KIF14: variants seen among roughly 807,000 people sequenced by gnomAD.
KIF14 encodes kinesin-like protein KIF14.
KIF14 carries 98 observed loss-of-function variants against 176.2 expected under a neutral mutation model. The ratio of observed to expected loss-of-function variants is 0.56; its 90% confidence interval spans 0.47 to 0.66. KIF14 has a LOEUF of 0.66. KIF14 is among the 30% of genes least tolerant of loss of function. KIF14 has a pLI of 0.00. For missense variants in KIF14, 1,751 were observed against 1,920.4 expected (o/e 0.91, Z 1.65); for synonymous variants, 566 against 632.2 (o/e 0.90, Z 1.57).
At position 200,573,427 on chromosome 1, in the gene KIF14, C is replaced by CTTTTTTTTTTTTTTTTTTTTTTT. The variant is rs869174532; in HGVS notation, c.3566+2141_3566+2163dup. The stretch of plus-strand genomic sequence containing the variant: ...TTCCCTACACTCAAGGAGCTCATTT[C>CTTTTTTTTTTTTTTTTTTTTTTT]TTTTTTTTTTTTTTTTTTTTTTTTG... On this transcript the variant is annotated intron_variant, in intron 22 of 29. Transcript: ENST00000367350. Among the ~76,000 whole-genome samples, 50 of 77,740 alleles carry CTTTTTTTTTTTTTTTTTTTTTTT rather than the reference C, an allele frequency of 6.4e-4. 5 individuals are homozygous for CTTTTTTTTTTTTTTTTTTTTTTT. The highest frequency in any genetic ancestry group is 1.7e-3 in the African/African-American group (29 of 17,556). The allele number at this position is 77,740 out of a possible 152,430, so 51.0% of individuals were successfully genotyped here. A position where few individuals can be genotyped will look rare whatever the true frequency, so the allele number is the denominator to read the frequency against.
At chr1:200,574,965 C>T (rs1228403246) in intron 22 of KIF14, among the ~76,000 whole-genome samples, 13 of 92,484 alleles carry the variant, frequency 1.4e-4, no homozygotes, top group Admixed American at 3.2e-4. Context: ...TTTTTTGAGA[C>T]GGAATCTCGC....
At chr1:200,609,604 G>C (rs961254470) in intron 4 of KIF14, among the ~76,000 whole-genome samples, 2 of 152,194 alleles carry the variant, frequency 1.3e-5, no homozygotes, top group Admixed American at 1.3e-4. Flanking sequence ...AGCTGAGATT[G>C]TGCTACTGCA....
Position 200,553,465 on chromosome 1 carries a change from G to A in KIF14, c.4870C>T (p.Arg1624Cys), listed in dbSNP as rs142097225. 28 of 1,613,886 alleles carry A rather than the reference G, an allele frequency of 1.7e-5. No homozygotes were observed. The highest frequency in any genetic ancestry group is 2.7e-5 in the African/African-American group (2 of 74,878). Reference sequence around the variant, plus strand: ...GATGAGCCATGGAGCTCATAGACACGCTTTGGTACACCTTTATTCTTACTG... The same window carrying A: ...GATGAGCCATGGAGCTCATAGACACACTTTGGTACACCTTTATTCTTACTG... ...DGSKNKGVPKRVYELHGSSPA... is the reference protein window; with the variant it reads ...DGSKNKGVPKCVYELHGSSPA... Residue 1624 changes from arginine (R) to cysteine (C), a missense_variant, in exon 30 of 30, where the codon CGT (arginine) becomes TGT (cysteine). Arg to Cys is a radical substitution (Grantham distance 180, BLOSUM62 -3). Coordinates refer to ENST00000367350, the MANE Select transcript of KIF14 (RefSeq NM_014875.3).
intron 1 of KIF14, among the ~76,000 whole-genome samples, chr1:200,619,487 G>A (rs908591075): frequency 2.0e-5 from 3 of 152,148 alleles, no homozygotes; most frequent in African/African-American, 7.2e-5. Flanking sequence ...CAAGTAGCTG[G>A]GACTACAGGC....
At position 200,564,802 on chromosome 1, in the gene KIF14, G is replaced by A. The variant is rs1417057483; in HGVS notation, c.4071+267C>T. On this transcript the variant is annotated intron_variant, in intron 25 of 29. Transcript: ENST00000367350. ...CCTCCATTTCCTCATCTACAAGATGGTGATAACAACAGTGCCCACTGCTGG... is the reference window on the plus strand; with the variant it reads ...CCTCCATTTCCTCATCTACAAGATGATGATAACAACAGTGCCCACTGCTGG... Among the ~76,000 whole-genome samples the A allele has an allele frequency of 5.3e-5, 8 of 152,196 alleles. No homozygotes were observed. In the East Asian group the frequency reaches 1.3e-3, roughly 26 times the overall value.
Position 200,553,306 on chromosome 1 carries a change from A to T in KIF14, c.*82T>A. 1 of 1,390,330 alleles carries T rather than the reference A, an allele frequency of 7.2e-7. No individual in the cohort carries two copies. Among genetic ancestry groups the T allele is most frequent in the East Asian group, 2.3e-5 (1 of 42,910 alleles). The allele number at this position is 1,390,330 out of a possible 1,614,324, so 86.1% of individuals were successfully genotyped here. A position where few individuals can be genotyped will look rare whatever the true frequency, so the allele number is the denominator to read the frequency against. Reference sequence around the variant, plus strand: ...GAAATATCTGTGCTGATTTCTCTTAAACTCTCCTGCATAAAGAAAATTACC... The same window carrying T: ...GAAATATCTGTGCTGATTTCTCTTATACTCTCCTGCATAAAGAAAATTACC... On this transcript the variant is annotated 3_prime_UTR_variant, in exon 30 of 30. Coordinates refer to ENST00000367350, the MANE Select transcript of KIF14 (RefSeq NM_014875.3).
chr1:200,560,638 C>T, intron 26 of KIF14, 84 bp downstream of exon 26: 3 of 1,366,194 alleles, frequency 2.2e-6, no homozygotes, highest in South Asian at 2.6e-5. Context: ...TTAAAAAGAA[C>T]TTGCCATGTT....
rs755177837 is a variant in KIF14 at position 200,617,957 on chromosome 1, T to A, written c.767A>T (p.His256Leu). Residue 256 changes from histidine (H) to leucine (L), a missense_variant, in exon 2 of 30, where the codon CAT (histidine) becomes CTT (leucine). His to Leu is a moderately conservative substitution (Grantham distance 99). Coordinates refer to ENST00000367350, the MANE Select transcript of KIF14 (RefSeq NM_014875.3). ...IKVLGTGNLY[H>L]RSIGKEIAKT... ...TGCAATTTCCTTCCCAATACTTCTATGATACAAGTTTCCTGTTCCCAACAC... is the reference window on the plus strand; with the variant it reads ...TGCAATTTCCTTCCCAATACTTCTAAGATACAAGTTTCCTGTTCCCAACAC... 38 of 1,613,916 alleles carry A rather than the reference T, an allele frequency of 2.4e-5. No individual in the cohort carries two copies. Among genetic ancestry groups the A allele is most frequent in the South Asian group, 1.5e-4 (14 of 91,076 alleles).
intron 6 of KIF14, 123 bp from the exon 7 acceptor site, chr1:200,606,017 A>G: frequency 2.1e-6 from 1 of 479,896 alleles, no homozygotes; most frequent in Admixed American, 3.7e-5. Context: ...ATTCATGAAT[A>G]TTATTTTATT....
chr1:200,603,084 C>T (rs1318322662), intron 10 of KIF14, 142 bp downstream of exon 10: 3 of 499,442 alleles, frequency 6.0e-6, no homozygotes, highest in Non-Finnish European at 1.1e-5. Context: ...AGCTGAGATT[C>T]AAATCCAGGT....
chr1:200,575,529 A>T, intron 22 of KIF14, 62 bp downstream of exon 22: 1 of 778,180 alleles, frequency 1.3e-6, no homozygotes. Flanking sequence ...ATTTACACAC[A>T]CACACACACA....
chr1:200,552,648 C>T lies in KIF14; in HGVS notation c.*740G>A, dbSNP rs770471926. 2.6e-5 allele frequency: 4 copies of T among 151,992 alleles called. No homozygotes were observed. Among genetic ancestry groups the T allele is most frequent in the Non-Finnish European group, 5.9e-5 (4 of 67,992 alleles). The allele number at this position is 151,992 out of a possible 1,614,324, so 9.4% of individuals were successfully genotyped here. ...ATTTGGAAAGAAACAGGAAGCTACA[C>T]CCTTGAACATACTATTCAAAATGGC... On this transcript the variant is annotated 3_prime_UTR_variant, in exon 30 of 30. Transcript: ENST00000367350.
At chr1:200,562,765 T>C (rs1304850462) in intron 25 of KIF14, among the ~76,000 whole-genome samples, 1 of 152,150 alleles carries the variant, frequency 6.6e-6, no homozygotes, top group Admixed American at 6.5e-5. Context: ...CCACACCTGT[T>C]TGCAGTCCAC....
chr1:200,560,658 A>C (rs1369429253), intron 26 of KIF14, 64 bp downstream of exon 26: 1 of 1,504,330 alleles, frequency 6.6e-7, no homozygotes, highest in African/African-American at 1.4e-5. Flanking sequence ...TTAGTACTGT[A>C]CTATTATCAA....
At chr1:200,593,929 T>TTTC (rs1324677280) in intron 14 of KIF14, among the ~76,000 whole-genome samples, 160 bp from the exon 15 acceptor site, 3 of 137,104 alleles carry the variant, frequency 2.2e-5, no homozygotes, top group Non-Finnish European at 4.7e-5. Context: ...TCCAACTAGT[T>TTTC]TTTTTTTTTT....
intron 23 of KIF14, among the ~76,000 whole-genome samples, chr1:200,567,748 T>C (rs2102601261): frequency 6.6e-6 from 1 of 151,694 alleles, no homozygotes; most frequent in African/African-American, 2.4e-5. Context: ...GTCTACTTCA[T>C]AGGTGCTTAA....
chr1:200,615,839 A>G (rs1660381372), intron 2 of KIF14, among the ~76,000 whole-genome samples: 1 of 152,146 alleles, frequency 6.6e-6, no homozygotes, highest in African/African-American at 2.4e-5. Context: ...TCCTCCAGAA[A>G]ACCTATCCTA....
Position 200,618,263 on chromosome 1 carries a change from T to A in KIF14, c.461A>T (p.Asn154Ile), listed in dbSNP as rs1184061243. ...TLNVGGETEN[N>I]GVSKESRTNV... is the part of the protein sequence containing the mutation. ...TGTTCTACTTTCCTTAGAAACACCA[T>A]TATTTTCTGTTTCACCTCCCACATT... The change falls in exon 2 of 30, where the codon AAT (asparagine) becomes ATT (isoleucine). Residue 154 changes from asparagine (N) to isoleucine (I), a missense_variant. Asn to Ile is a moderately radical substitution (Grantham distance 149). Coordinates refer to ENST00000367350, the MANE Select transcript of KIF14 (RefSeq NM_014875.3). 6.2e-7 allele frequency: 1 copy of A among 1,613,822 alleles called. No individual in the cohort carries two copies. The highest frequency in any genetic ancestry group is 1.3e-5 in the African/African-American group (1 of 75,076).
At chr1:200,585,127 G>A (rs1658663690) in intron 19 of KIF14, among the ~76,000 whole-genome samples, 1 of 151,888 alleles carries the variant, frequency 6.6e-6, no homozygotes, top group African/African-American at 2.4e-5. Flanking sequence ...CAAAGTTTCA[G>A]TTATGCAGGA....
Sources: allele counts gnomAD v4.1 joint callset (sites outside exome capture counted in the v4.1 genomes callset), GRCh38; gene constraint gnomAD v4.1.1; transcripts MANE v1.5; gene names NCBI Gene and HGNC (gene_info 2026-07-23, HGNC 2026-07-21).